Variants in ZSCAN5B observed in about 807,000 individuals in gnomAD.
ZSCAN5B encodes zinc finger and SCAN domain containing 5B, also known as zinc finger and SCAN domain-containing protein 5B.
Under a neutral mutation model 25.2 loss-of-function variants are expected in ZSCAN5B, and 26 were observed. That is an observed-to-expected ratio of 1.03 (90% CI 0.76 to 1.43). The LOEUF (loss-of-function observed/expected upper bound fraction) is 1.43, where lower values mean the gene tolerates loss of function less well. Among genes scored for constraint, ZSCAN5B ranks in the 40% most tolerant of loss-of-function variants. The pLI is 0.00. For synonymous variants in ZSCAN5B, 244 were observed against 240.9 expected, an observed-to-expected ratio of 1.01 and a Z score of -0.12; for missense variants, 745 against 622.1, an observed-to-expected ratio of 1.20 and a Z score of -2.10.
chr19:56,190,788 C>T (rs551710068), intron 4 of ZSCAN5B, 49 bp downstream of exon 4: 2 of 1,593,098 alleles, frequency 1.3e-6, no homozygotes, highest in South Asian at 1.1e-5. Flanking sequence ...CAGCCCCGCA[C>T]CCCAGAAGAG....
chr19:56,192,425 T>C (rs1356241534), intron 2 of ZSCAN5B, among the ~76,000 whole-genome samples: 3 of 152,202 alleles, frequency 2.0e-5, no homozygotes, highest in Non-Finnish European at 4.4e-5. Flanking sequence ...GGATGGGACT[T>C]CTGGGCCCCC....
intron 2 of ZSCAN5B, 98 bp downstream of exon 2, chr19:56,192,571 A>G: frequency 2.6e-6 from 4 of 1,516,474 alleles, no homozygotes; most frequent in Non-Finnish European, 3.5e-6. Context: ...TAGGTCAGGT[A>G]TTTGCAATAT....
At chr19:56,195,909 G>T (rs1487995029) in intron 1 of ZSCAN5B, among the ~76,000 whole-genome samples, 1 of 152,116 alleles carries the variant, frequency 6.6e-6, no homozygotes, top group Non-Finnish European at 1.5e-5. Flanking sequence ...CACCCAGGCT[G>T]GAATGCAGTG....
rs183597124 is a variant in ZSCAN5B at position 56,193,729 on chromosome 19, G to A, written c.-127-550C>T. The stretch of plus-strand genomic sequence containing the variant: ...TGTAATCCCAGCACTTTGGGAGGCC[G>A]AGGCGGGTGGATCACGAGGTCAGGA... On this transcript the variant is annotated intron_variant, in intron 1 of 4. Transcript: ENST00000586855. Among the ~76,000 whole-genome samples, 261 of 152,246 alleles carry A rather than the reference G, an allele frequency of 1.7e-3. 1 individual carries two copies. Among genetic ancestry groups the A allele is most frequent in the African/African-American group, 5.0e-3 (209 of 41,562 alleles).
intron 1 of ZSCAN5B, among the ~76,000 whole-genome samples, chr19:56,195,002 C>T (rs558687688): frequency 6.6e-6 from 1 of 152,298 alleles, no homozygotes; most frequent in South Asian, 2.1e-4. Context: ...CCAAGTTCAA[C>T]AGCTATGAGA....
At chr19:56,190,099 T>A (rs1372671415) in exon 5 of ZSCAN5B, 1 of 1,613,888 alleles carries the variant, frequency 6.2e-7, no homozygotes, top group Admixed American at 1.7e-5. Context: ...CTCTCGCCAG[T>A]GTGGACTCGC....
chr19:56,190,877 T>C, exon 4 of ZSCAN5B: 6 of 1,614,154 alleles, frequency 3.7e-6, no homozygotes, highest in Non-Finnish European at 4.2e-6. Flanking sequence ...ATGACAGTCC[T>C]GGGTTCTCTT....
chr19:56,193,987 T>A (rs1004674814), intron 1 of ZSCAN5B, among the ~76,000 whole-genome samples: 4 of 151,434 alleles, frequency 2.6e-5, no homozygotes, highest in Non-Finnish European at 4.4e-5. Context: ...CCTATGAGAA[T>A]TAAGCTCCTG....
chr19:56,190,489 C>A, exon 5 of ZSCAN5B: 1 of 1,614,014 alleles, frequency 6.2e-7, no homozygotes, highest in Non-Finnish European at 8.5e-7. Context: ...TCTCTCTCCA[C>A]AACGCAGGCA....
intron 1 of ZSCAN5B, among the ~76,000 whole-genome samples, chr19:56,197,370 G>C (rs2032823766): frequency 6.6e-6 from 1 of 151,862 alleles, no homozygotes; most frequent in Non-Finnish European, 1.5e-5. Context: ...CCTGAATAGC[G>C]GGTATTACGG....
rs770063386 is a variant in ZSCAN5B at position 56,189,780 on chromosome 19, A to G, written c.*47T>C. On this transcript the variant is annotated 3_prime_UTR_variant, in exon 5 of 5. Transcript: ENST00000586855. ...CATCTGGTAACATTGGAGAAAAACC[A>G]TCATTCACTGTCTCTTGGGGTGGAG... 4 of 1,550,592 alleles carry G rather than the reference A, an allele frequency of 2.6e-6. 1 individual carries two copies. In the South Asian group the frequency reaches 3.7e-5, roughly 14 times the overall value.
At chr19:56,192,908 T>C (rs2032758131) in exon 2 of ZSCAN5B, 1 of 1,614,114 alleles carries the variant, frequency 6.2e-7, no homozygotes, top group Non-Finnish European at 8.5e-7. Flanking sequence ...CAGCTGAACA[T>C]CCTGAAATTC....
At chr19:56,194,924 T>A (rs935146590) in intron 1 of ZSCAN5B, among the ~76,000 whole-genome samples, 1 of 152,114 alleles carries the variant, frequency 6.6e-6, no homozygotes, top group Non-Finnish European at 1.5e-5. Context: ...TCTTTTTAAA[T>A]TTGGTTCTAA....
intron 1 of ZSCAN5B, among the ~76,000 whole-genome samples, chr19:56,195,609 G>T (rs62120853): frequency 9.4e-4 from 141 of 150,106 alleles, no homozygotes; most frequent in East Asian, 2.9e-3. Flanking sequence ...AACTGCATGA[G>T]CCGGCAATCC....
exon 5 of ZSCAN5B, chr19:56,190,029 T>C (rs751310477): frequency 1.2e-6 from 2 of 1,613,496 alleles, no homozygotes; most frequent in African/African-American, 2.7e-5. Flanking sequence ...GATCCTCTTG[T>C]GGCCCTGTAA....
exon 2 of ZSCAN5B, chr19:56,193,178 G>T: frequency 8.4e-7 from 1 of 1,189,466 alleles, no homozygotes; most frequent in South Asian, 1.8e-5. Flanking sequence ...TTGTTCAGAA[G>T]TCTGCAGGAA....
rs368972539 is a variant in ZSCAN5B, at chr19:56,190,492, C to T, written c.823G>A (p.Val275Ile). The T allele has an allele frequency of 3.7e-5, 60 of 1,613,870 alleles. No individual in the cohort carries two copies. Among genetic ancestry groups the T allele is most frequent in the Middle Eastern group, 1.6e-4 (1 of 6,078 alleles). The change falls in exon 5 of 5, where the codon GTT (valine) becomes ATT (isoleucine). Residue 275 changes from valine (V) to isoleucine (I), a missense_variant. Val to Ile is a conservative substitution (Grantham distance 29, BLOSUM62 3). Coordinates refer to ENST00000586855, the Ensembl canonical transcript of ZSCAN5B. ...TGAGTCAAAGCTTCTCTCTCCACAACGCAGGCAGAAGGTGTGTCAGCATCC... is the reference window on the plus strand; with the variant it reads ...TGAGTCAAAGCTTCTCTCTCCACAATGCAGGCAGAAGGTGTGTCAGCATCC...
chr19:56,195,614 C>A (rs988920134), intron 1 of ZSCAN5B, among the ~76,000 whole-genome samples: 2 of 151,988 alleles, frequency 1.3e-5, no homozygotes, highest in African/African-American at 4.8e-5. Flanking sequence ...CATGAGCCGG[C>A]AATCCCGCTC....
chr19:56,196,849 G>C (rs1161030683), intron 1 of ZSCAN5B, among the ~76,000 whole-genome samples: 1 of 152,230 alleles, frequency 6.6e-6, no homozygotes. Flanking sequence ...GGGAATTAAA[G>C]AGGTTTTCCC....
Sources: gnomAD v4.1 joint callset for allele counts (sites outside exome capture counted in the v4.1 genomes callset) on GRCh38, gnomAD v4.1.1 for gene constraint, MANE v1.5 for transcripts, NCBI Gene and HGNC (gene_info 2026-07-23, HGNC 2026-07-21) for gene names.